The following ROR2 variants were observed in gnomAD, a reference collection of about 807,000 sequenced individuals.
The protein encoded by ROR2 is ROR family WNT receptor 2.
Under a neutral mutation model 74.9 loss-of-function variants are expected in ROR2, and 33 were observed. That is an observed-to-expected ratio of 0.44 (90% CI 0.33 to 0.59). ROR2 has a LOEUF of 0.59. ROR2 is among the 20% of genes least tolerant of loss of function. ROR2 has a pLI of 0.02. For synonymous variants in ROR2, 586 were observed against 558.7 expected (o/e 1.05, Z -0.69); for missense variants, 1,216 against 1,313.8 (o/e 0.93, Z 1.15).
At chr9:91,942,193 G>A (rs982824348) in intron 1 of ROR2, among the ~76,000 whole-genome samples, 3 of 152,074 alleles carry the variant, frequency 2.0e-5, no homozygotes, top group Non-Finnish European at 4.4e-5. Flanking sequence ...CCTCCATTTC[G>A]TTTGCTGATT....
intron 1 of ROR2, among the ~76,000 whole-genome samples, chr9:91,819,390 C>A (rs1202298387): frequency 1.3e-5 from 2 of 152,192 alleles, no homozygotes. Context: ...TGTGACGATG[C>A]ACGTGTCTAC....
intron 1 of ROR2, among the ~76,000 whole-genome samples, chr9:91,847,620 A>G (rs1828969844): frequency 6.6e-6 from 1 of 151,932 alleles, no homozygotes. Context: ...ACTGCACCCC[A>G]GCTCTCCTCC....
chr9:91,726,805 T>C, intron 7 of ROR2, 62 bp from the exon 8 acceptor site: 14 of 1,540,376 alleles, frequency 9.1e-6, no homozygotes, highest in Non-Finnish European at 1.3e-5. Flanking sequence ...CTAAGTTCTC[T>C]ACCAACCCAC....
chr9:91,724,340 G>C lies in ROR2; in HGVS notation c.2154C>G (p.Pro718=). ...CGATCATGAGGGCATACACCCAGGC[G>C]GGACAGTCATCGGGGCAAGGCAGCA... ...RQVLPCPDDC[P]AWVYALMIEC... is the part of the protein sequence containing the mutation. The change falls in exon 9 of 9, where the codon CCC becomes CCG. Residue 718 remains proline (P), a synonymous_variant. Coordinates refer to ENST00000375708, the MANE Select transcript of ROR2 (RefSeq NM_004560.4). The C allele has an allele frequency of 6.2e-7, 1 of 1,613,446 alleles. No homozygotes were observed. Among genetic ancestry groups the C allele is most frequent in the South Asian group, 1.1e-5 (1 of 91,090 alleles).
At chr9:91,922,118 CAACAACA>C (rs147583501) in intron 1 of ROR2, among the ~76,000 whole-genome samples, 26,660 of 144,512 alleles carry the variant, frequency 0.18, 2,675 homozygotes, top group Admixed American at 0.27. Context: ...ACAACAACAA[CAACAACA>C]AACAACAACA....
chr9:91,917,927 T>C (rs115483988), intron 1 of ROR2, among the ~76,000 whole-genome samples: 3,263 of 152,216 alleles, frequency 0.021, 119 homozygotes, highest in African/African-American at 0.075. Context: ...CAAACTGAAA[T>C]TGGTGTCCCA....
chr9:91,757,196 T>C (rs1825781122), intron 3 of ROR2, 76 bp downstream of exon 3: 2 of 1,581,804 alleles, frequency 1.3e-6, no homozygotes, highest in African/African-American at 2.7e-5. Context: ...CAGTTTCAAA[T>C]AGCAACTGGA....
intron 1 of ROR2, among the ~76,000 whole-genome samples, chr9:91,785,334 C>T (rs1826761890): frequency 6.6e-6 from 1 of 152,226 alleles, no homozygotes; most frequent in African/African-American, 2.4e-5. Context: ...TACACAAGGC[C>T]TCCCCTGGAC....
At chr9:91,801,835 T>C (rs1383352272) in intron 1 of ROR2, among the ~76,000 whole-genome samples, 1 of 152,198 alleles carries the variant, frequency 6.6e-6, no homozygotes, top group Admixed American at 6.5e-5. Flanking sequence ...ATGCTGAACA[T>C]GAACGGGCGG....
intron 1 of ROR2, among the ~76,000 whole-genome samples, chr9:91,949,271 A>T (rs1001834130): frequency 2.6e-5 from 4 of 151,626 alleles, no homozygotes. Flanking sequence ...AAGGGATGCC[A>T]AAGAGCCCGT....
chr9:91,941,820 TTGCTC>T (rs1831880187), intron 1 of ROR2, among the ~76,000 whole-genome samples: 1 of 144,864 alleles, frequency 6.9e-6, no homozygotes, highest in South Asian at 2.3e-4. Context: ...AGACAGGGTG[TTGCTC>T]TGCTGCCCAG....
chr9:91,933,122 C>A (rs1831594142), intron 1 of ROR2, among the ~76,000 whole-genome samples: 4 of 152,118 alleles, frequency 2.6e-5, no homozygotes, highest in Non-Finnish European at 5.9e-5. Flanking sequence ...ACTATCCTGA[C>A]TAACACGGTC....
At chr9:91,943,680 G>A (rs894065695) in intron 1 of ROR2, among the ~76,000 whole-genome samples, 6 of 152,136 alleles carry the variant, frequency 3.9e-5, no homozygotes, top group Non-Finnish European at 5.9e-5. Context: ...AGGATACACC[G>A]TCAAAGCACT....
chr9:91,835,494 T>C (rs752025330), intron 1 of ROR2, among the ~76,000 whole-genome samples: 1 of 152,124 alleles, frequency 6.6e-6, no homozygotes, highest in Non-Finnish European at 1.5e-5. Context: ...TGCCCTGACA[T>C]GCTCAGAGTT....
chr9:91,763,896 T>C (rs1334758666), intron 2 of ROR2, among the ~76,000 whole-genome samples: 4 of 152,228 alleles, frequency 2.6e-5, no homozygotes, highest in Non-Finnish European at 5.9e-5. Context: ...GCCACTGAGA[T>C]ATGCTCCGCA....
At chr9:91,857,084 T>G (rs1394744132) in intron 1 of ROR2, among the ~76,000 whole-genome samples, 1 of 152,222 alleles carries the variant, frequency 6.6e-6, no homozygotes, top group African/African-American at 2.4e-5. Context: ...CCATGCACAC[T>G]TATGTGCAGT....
chr9:91,874,008 T>G (rs780095078), intron 1 of ROR2, among the ~76,000 whole-genome samples: 2 of 152,184 alleles, frequency 1.3e-5, no homozygotes, highest in African/African-American at 2.4e-5. Flanking sequence ...GAGTTGGGCT[T>G]CTTTTGCTCT....
At chr9:91,734,715 A>T (rs548321360) in intron 5 of ROR2, among the ~76,000 whole-genome samples, 1 of 152,182 alleles carries the variant, frequency 6.6e-6, no homozygotes, top group East Asian at 1.9e-4. Context: ...GAGACCCCAC[A>T]CTGGGGAATG....
intron 6 of ROR2, among the ~76,000 whole-genome samples, chr9:91,731,565 G>A (rs769360119): frequency 1.2e-4 from 19 of 152,176 alleles, no homozygotes; most frequent in Non-Finnish European, 2.5e-4. Flanking sequence ...TGCAGGCCAC[G>A]CCACCTCCAT....
Sources: gnomAD v4.1 joint callset for allele counts (sites outside exome capture counted in the v4.1 genomes callset) on GRCh38, gnomAD v4.1.1 for gene constraint, MANE v1.5 for transcripts, NCBI Gene and HGNC (gene_info 2026-07-23, HGNC 2026-07-21) for gene names.